PCDHGB4: variants seen among roughly 807,000 people sequenced by gnomAD.
PCDHGB4 encodes the protein protocadherin gamma subfamily B, 4.
A neutral mutation model predicts 60.5 loss-of-function variants in PCDHGB4; 38 were observed. That is an observed-to-expected ratio of 0.63 (90% CI 0.48 to 0.82). PCDHGB4 has a LOEUF of 0.82. PCDHGB4 is among the 40% of genes least tolerant of loss of function. The pLI is 0.00. For missense variants in PCDHGB4, 1,109 were observed against 1,209.6 expected (o/e 0.92, Z 1.23); for synonymous variants, 456 against 509.7 (o/e 0.89, Z 1.42).
At chr5:141,427,132 G>A (rs755992698) in intron 1 of PCDHGB4, 1 of 457,106 alleles carries the variant, frequency 2.2e-6, no homozygotes, top group South Asian at 1.5e-5. Flanking sequence ...AAATCCCTAC[G>A]AGATGATATT....
chr5:141,511,462 C>T lies in PCDHGB4; in HGVS notation c.*289C>T, dbSNP rs1385398410. On this transcript the variant is annotated 3_prime_UTR_variant, in exon 4 of 4. Transcript: ENST00000519479. Reference sequence around the variant, plus strand: ...AGACACCAAGAACCATTTGCCACACCCCGTTTAGTTACAGCTGAACTCCTC... The same window carrying T: ...AGACACCAAGAACCATTTGCCACACTCCGTTTAGTTACAGCTGAACTCCTC... 5.4e-6 allele frequency: 3 copies of T among 556,350 alleles called. No individual in the cohort carries two copies. In the South Asian group the frequency reaches 6.3e-5, roughly 12 times the overall value. 34.5% of individuals were successfully genotyped at this position (556,350 alleles called of 1,614,324 possible).
In PCDHGB4 at chr5:141,498,823, C is replaced by A. The variant is rs540865523; in HGVS notation, c.2456+3958C>A. ...TGGTGCACACCTGTAGTCCCAGCTA[C>A]TCAGGAGGCTGAGGCAGGGGAATCG... On this transcript the variant is annotated intron_variant, in intron 2 of 3. Coordinates refer to ENST00000519479, the MANE Select transcript of PCDHGB4 (RefSeq NM_003736.4). Among the ~76,000 whole-genome samples the A allele has an allele frequency of 9.2e-5, 14 of 152,166 alleles. No homozygotes were observed. The East Asian group carries it at 1.5e-3, about 17-fold the overall frequency.
At chr5:141,496,639 C>T (rs752903356) in intron 2 of PCDHGB4, among the ~76,000 whole-genome samples, 1 of 152,222 alleles carries the variant, frequency 6.6e-6, no homozygotes, top group Non-Finnish European at 1.5e-5. Context: ...TTGGGCTGCC[C>T]TTGCCCTTCC....
chr5:141,393,013 T>A (rs754075095), intron 1 of PCDHGB4: 1 of 1,613,694 alleles, frequency 6.2e-7, no homozygotes, highest in African/African-American at 1.3e-5. Context: ...GTCCGTATCG[T>A]CTCCAGAGGT....
chr5:141,475,550 TA>T (rs2099365126), intron 1 of PCDHGB4, among the ~76,000 whole-genome samples: 2 of 152,246 alleles, frequency 1.3e-5, no homozygotes, highest in Non-Finnish European at 2.9e-5. Context: ...AGGGTCCGGC[TA>T]ATTGTCTGTC....
chr5:141,392,757 AAT>A, intron 1 of PCDHGB4: 1 of 1,471,072 alleles, frequency 6.8e-7, no homozygotes, highest in African/African-American at 1.4e-5. Flanking sequence ...CAAGAAACTA[AAT>A]AAGACCCATT....
intron 1 of PCDHGB4, chr5:141,412,334 T>C (rs371361193): frequency 2.0e-5 from 3 of 152,262 alleles, no homozygotes; most frequent in Admixed American, 1.3e-4. Flanking sequence ...GCAACTGTAA[T>C]ATATGTTCAT....
At chr5:141,496,479 CAACCAACCA>C (rs1199646129) in intron 2 of PCDHGB4, among the ~76,000 whole-genome samples, 1 of 152,180 alleles carries the variant, frequency 6.6e-6, no homozygotes, top group Non-Finnish European at 1.5e-5. Context: ...CCCCATCCTG[CAACCAACCA>C]AACCCTTGTT....
chr5:141,465,923 C>A (rs908350232), intron 1 of PCDHGB4, among the ~76,000 whole-genome samples: 2 of 152,062 alleles, frequency 1.3e-5, no homozygotes, highest in African/African-American at 4.8e-5. Flanking sequence ...GATTTCGAGT[C>A]CATCCTGGCT....
rs1055042563 is a variant in PCDHGB4, at chr5:141,512,805, C to G, written c.*1632C>G. On this transcript the variant is annotated 3_prime_UTR_variant, in exon 4 of 4. Coordinates refer to ENST00000519479, the MANE Select transcript of PCDHGB4 (RefSeq NM_003736.4). ...TGTTGTGTTTTGTGCTGTGTCCACG[C>G]GCTAAGGCGACCCCCTCCCCCGTAC... 3.0e-4 allele frequency: 46 copies of G among 152,378 alleles called. No individual in the cohort carries two copies. Among genetic ancestry groups the G allele is most frequent in the African/African-American group, 9.9e-4 (41 of 41,570 alleles). The allele number at this position is 152,378 out of a possible 1,614,324, so 9.4% of individuals were successfully genotyped here.
chr5:141,438,615 TATATATATATATATATATATAC>T (rs1275224820), intron 1 of PCDHGB4, among the ~76,000 whole-genome samples: 95 of 35,914 alleles, frequency 2.6e-3, no homozygotes, highest in East Asian at 8.4e-3. Flanking sequence ...TATATATATA[TATATATATATATATATATATAC>T]ACACACACAC....
intron 1 of PCDHGB4, among the ~76,000 whole-genome samples, chr5:141,443,722 C>G (rs2098401001): frequency 6.6e-6 from 1 of 152,012 alleles, no homozygotes; most frequent in Admixed American, 6.6e-5. Context: ...TATAAAATTC[C>G]TCATACATTT....
In PCDHGB4 at chr5:141,393,997, A is replaced by G. The variant is rs375314377; in HGVS notation, c.2397+3716A>G. ...CGTGATAATTTACCTTTTAAATTAG[A>G]AAAGTCAATAGGTAATTATTATAGA... On this transcript the variant is annotated intron_variant, in intron 1 of 3. Coordinates refer to ENST00000519479, the MANE Select transcript of PCDHGB4 (RefSeq NM_003736.4). 7.4e-6 allele frequency: 12 copies of G among 1,613,330 alleles called. 1 individual carries two copies. The African/African-American group carries it at 8.0e-5, about 11-fold the overall frequency.
rs776176122 is a variant in PCDHGB4, at chr5:141,408,982, T to C, written c.2397+18701T>C. 124 of 1,613,830 alleles carry C rather than the reference T, an allele frequency of 7.7e-5. 1 individual carries two copies. Among genetic ancestry groups the C allele is most frequent in the Admixed American group, 3.7e-4 (22 of 59,994 alleles). ...GTGAAAATCTGCCCCCTGGGTCCCC[T>C]GTGTTGCAAGTGACAGCCACTGACC... On this transcript the variant is annotated intron_variant, in intron 1 of 3. Transcript: ENST00000519479.
At chr5:141,492,560 G>T (rs2099742000) in intron 1 of PCDHGB4, among the ~76,000 whole-genome samples, 1 of 152,156 alleles carries the variant, frequency 6.6e-6, no homozygotes, top group Non-Finnish European at 1.5e-5. Context: ...CCTGGGGGGC[G>T]GCCTGAGCGA....
At chr5:141,471,215 A>G (rs1562030197) in intron 1 of PCDHGB4, 1 of 149,038 alleles carries the variant, frequency 6.7e-6, no homozygotes, top group Non-Finnish European at 1.5e-5. Context: ...ATGCCTGGCA[A>G]TTTTTTTGTA....
chr5:141,465,490 G>A (rs917234604), intron 1 of PCDHGB4, among the ~76,000 whole-genome samples: 9 of 152,170 alleles, frequency 5.9e-5, no homozygotes, highest in East Asian at 1.9e-4. Flanking sequence ...AGGAATGAGC[G>A]GGAGCATTGT....
chr5:141,419,785 G>T, intron 1 of PCDHGB4: 2 of 1,614,052 alleles, frequency 1.2e-6, no homozygotes, highest in Non-Finnish European at 1.7e-6. Flanking sequence ...GCCAGCGCCT[G>T]CTAGTCGCTG....
chr5:141,473,186 T>C (rs984810414), intron 1 of PCDHGB4, among the ~76,000 whole-genome samples: 1 of 152,134 alleles, frequency 6.6e-6, no homozygotes, highest in African/African-American at 2.4e-5. Flanking sequence ...CTTGAAGGAG[T>C]AAATGTATCT....
Sources: allele counts gnomAD v4.1 joint callset (sites outside exome capture counted in the v4.1 genomes callset), GRCh38; gene constraint gnomAD v4.1.1; transcripts MANE v1.5; gene names NCBI Gene and HGNC (gene_info 2026-07-23, HGNC 2026-07-21).